The following UBQLN1 variants were observed in gnomAD, a reference collection of about 807,000 sequenced individuals.
The protein encoded by UBQLN1 is ubiquilin 1.
In UBQLN1, 13 loss-of-function variants were observed where a neutral mutation model predicts 65.4. The ratio of observed to expected loss-of-function variants is 0.20; its 90% CI spans 0.13 to 0.32. The LOEUF (loss-of-function observed/expected upper bound fraction) is 0.32, where lower values mean the gene tolerates loss of function less well. Ranked by LOEUF, UBQLN1 falls within the 10% of genes least tolerant of loss-of-function variation. UBQLN1 has a pLI of 1.00. For synonymous variants in UBQLN1, 267 were observed against 247.8 expected (o/e 1.08, Z -0.73); for missense variants, 561 against 724.0 (o/e 0.77, Z 2.58).
chr9:83,680,746 G>A (rs1831926080), intron 3 of UBQLN1, among the ~76,000 whole-genome samples: 3 of 152,126 alleles, frequency 2.0e-5, no homozygotes, highest in Admixed American at 2.0e-4. Context: ...GTGTTTCCTT[G>A]AGTTCTAGGT....
intron 1 of UBQLN1, among the ~76,000 whole-genome samples, chr9:83,704,251 C>G (rs941604671): frequency 2.0e-5 from 3 of 152,104 alleles, no homozygotes; most frequent in African/African-American, 7.2e-5. Flanking sequence ...TCAATCAAAC[C>G]CTTTAAAATT....
chr9:83,694,169 T>C (rs943047550), intron 1 of UBQLN1, among the ~76,000 whole-genome samples: 1 of 152,080 alleles, frequency 6.6e-6, no homozygotes, highest in Middle Eastern at 3.2e-3. Context: ...AATCAACCTA[T>C]CCAAAAGTAA....
chr9:83,692,876 T>TA (rs1426683072), intron 1 of UBQLN1, among the ~76,000 whole-genome samples: 2 of 151,910 alleles, frequency 1.3e-5, no homozygotes, highest in African/African-American at 2.4e-5. Context: ...ACAACAATAA[T>TA]AAAAAAATAT....
chr9:83,663,852 C>T (rs766272209), intron 10 of UBQLN1, 23 bp downstream of exon 10: 6 of 1,588,912 alleles, frequency 3.8e-6, no homozygotes, highest in Non-Finnish European at 5.1e-6. Context: ...GAATACAAAA[C>T]TTGAATGGAA....
At chr9:83,687,443 A>C (rs1832057988) in intron 1 of UBQLN1, among the ~76,000 whole-genome samples, 1 of 152,258 alleles carries the variant, frequency 6.6e-6, no homozygotes, top group Admixed American at 6.5e-5. Flanking sequence ...AAATCAGTCC[A>C]AATTCAGAAA....
At chr9:83,684,272 G>A (rs1014251126) in intron 2 of UBQLN1, among the ~76,000 whole-genome samples, 1 of 151,754 alleles carries the variant, frequency 6.6e-6, no homozygotes, top group African/African-American at 2.4e-5. Context: ...TCGGCTCACT[G>A]TAACCTCCAC....
At chr9:83,673,960 G>A (rs1309548136) in intron 6 of UBQLN1, among the ~76,000 whole-genome samples, 1 of 151,866 alleles carries the variant, frequency 6.6e-6, no homozygotes, top group Admixed American at 6.6e-5. Flanking sequence ...CACCATGCCC[G>A]GTTACTTTTT....
chr9:83,682,397 T>C (rs1377600089), intron 3 of UBQLN1, among the ~76,000 whole-genome samples: 1 of 151,928 alleles, frequency 6.6e-6, no homozygotes, highest in African/African-American at 2.4e-5. Flanking sequence ...CAGGACACCG[T>C]AAGCCAGGAG....
In UBQLN1 at chr9:83,666,439, G is replaced by A; in HGVS notation, c.1249-6C>T. On this transcript the variant is annotated splice_polypyrimidine_tract_variant and splice_region_variant and intron_variant, in intron 7 of 10. Transcript: ENST00000376395. ...AGGGGATTATTCAGCATCATCTATG[G>A]GGCAAGTGTTCAAACAATTTTAACT... The A allele has an allele frequency of 1.2e-6, 2 of 1,613,076 alleles. No individual in the cohort carries two copies. The highest frequency in any genetic ancestry group is 1.7e-6 in the Non-Finnish European group (2 of 1,179,242).
intron 6 of UBQLN1, among the ~76,000 whole-genome samples, chr9:83,672,300 C>T (rs900424575): frequency 2.0e-5 from 3 of 152,196 alleles, no homozygotes; most frequent in Non-Finnish European, 4.4e-5. Flanking sequence ...ACTTTTCCTT[C>T]GCATTCACAA....
chr9:83,678,298 G>C, intron 5 of UBQLN1, 143 bp downstream of exon 5: 2 of 1,023,504 alleles, frequency 2.0e-6, no homozygotes, highest in Non-Finnish European at 2.8e-6. Flanking sequence ...TGGGATTACA[G>C]GCGTGAGCCA....
chr9:83,703,398 A>T (rs1832344285), intron 1 of UBQLN1, among the ~76,000 whole-genome samples: 1 of 152,156 alleles, frequency 6.6e-6, no homozygotes, highest in South Asian at 2.1e-4. Context: ...AATTATTTAA[A>T]ATATTGTATA....
intron 1 of UBQLN1, among the ~76,000 whole-genome samples, chr9:83,691,764 T>C (rs1832132719): frequency 6.6e-6 from 1 of 152,218 alleles, no homozygotes; most frequent in South Asian, 2.1e-4. Flanking sequence ...ATGTCATAGA[T>C]ACTGGGATCC....
rs956515434 is a variant in UBQLN1, at chr9:83,660,103, C to G, written c.*1684G>C. On this transcript the variant is annotated 3_prime_UTR_variant, in exon 11 of 11. Coordinates refer to ENST00000376395, the MANE Select transcript of UBQLN1 (RefSeq NM_013438.5). The stretch of plus-strand genomic sequence containing the variant: ...AAACTGAGGCATAAAGCAGAAAGAG[C>G]AAAGACACATGAATACCCTTCTTAA... 6.6e-6 allele frequency: 1 copy of G among 152,188 alleles called. No individual in the cohort carries two copies. The highest frequency in any genetic ancestry group is 2.4e-5 in the African/African-American group (1 of 41,452). 9.4% of individuals were successfully genotyped at this position (152,188 alleles called of 1,614,324 possible). A position where few individuals can be genotyped will look rare whatever the true frequency, so the allele number is the denominator to read the frequency against.
intron 1 of UBQLN1, among the ~76,000 whole-genome samples, chr9:83,698,651 A>T (rs1832260829): frequency 6.6e-6 from 1 of 152,162 alleles, no homozygotes; most frequent in Non-Finnish European, 1.5e-5. Flanking sequence ...GGTGGCTCAC[A>T]CTTGTATAAT....
chr9:83,672,506 G>C (rs145697046), intron 6 of UBQLN1, among the ~76,000 whole-genome samples: 2 of 152,140 alleles, frequency 1.3e-5, no homozygotes, highest in African/African-American at 4.8e-5. Flanking sequence ...AGAGAATAGG[G>C]AGACCCAAGA....
chr9:83,678,028 T>A, intron 5 of UBQLN1, 67 bp from the exon 6 acceptor site: 2 of 1,302,294 alleles, frequency 1.5e-6, no homozygotes, highest in Non-Finnish European at 2.1e-6. Context: ...TGAAACTTTT[T>A]TTTTTTTTTT....
chr9:83,699,482 A>G (rs991683350), intron 1 of UBQLN1, among the ~76,000 whole-genome samples: 2 of 152,050 alleles, frequency 1.3e-5, no homozygotes, highest in Admixed American at 1.3e-4. Context: ...GTGTGCCACC[A>G]CACCTAGCTA....
intron 6 of UBQLN1, among the ~76,000 whole-genome samples, chr9:83,669,768 A>G (rs1831701528): frequency 6.6e-6 from 1 of 152,208 alleles, no homozygotes; most frequent in Admixed American, 6.5e-5. Flanking sequence ...AAGGCAACAA[A>G]AGATGTAATG....
Sources: gnomAD v4.1 joint callset for allele counts (sites outside exome capture counted in the v4.1 genomes callset) on GRCh38, gnomAD v4.1.1 for gene constraint, MANE v1.5 for transcripts, NCBI Gene and HGNC (gene_info 2026-07-23, HGNC 2026-07-21) for gene names.